Variants in SNTA1 observed in about 807,000 individuals in gnomAD.
SNTA1 encodes syntrophin alpha 1.
A neutral mutation model predicts 47.1 loss-of-function variants in SNTA1; 31 were observed. The observed-to-expected ratio is 0.66, with a 90% confidence interval of 0.49 to 0.89. The LOEUF (loss-of-function observed/expected upper bound fraction) is 0.89. SNTA1 is among the 40% of genes least tolerant of loss of function. SNTA1 has a pLI of 0.00. For missense variants in SNTA1, 575 were observed against 693.0 expected (o/e 0.83, Z 1.91); for synonymous variants, 300 against 313.6 (o/e 0.96, Z 0.46).
intron 2 of SNTA1, among the ~76,000 whole-genome samples, chr20:33,421,137 C>T (rs1892562328): frequency 9.7e-6 from 1 of 103,300 alleles, no homozygotes; most frequent in Non-Finnish European, 2.3e-5. Context: ...TACGCCATTG[C>T]ACTCCAGTCT....
In SNTA1 at chr20:33,410,246, C is replaced by T; in HGVS notation, c.1126G>A (p.Val376Met). The stretch of plus-strand genomic sequence containing the variant: ...TCCACGCTGAACAGGTGAGTGTCCA[C>T]ACCGTGACGCGTGCCCGTGCGCAGG... ...FALRTGTRHG[V>M]DTHLFSVESP... The change falls in exon 6 of 8, where the codon GTG (valine) becomes ATG (methionine). Residue 376 changes from valine (V) to methionine (M), a missense_variant. Coordinates refer to ENST00000217381, the MANE Select transcript of SNTA1 (RefSeq NM_003098.3). The T allele has an allele frequency of 6.2e-7, 1 of 1,613,602 alleles. No homozygotes were observed. The highest frequency in any genetic ancestry group is 8.5e-7 in the Non-Finnish European group (1 of 1,179,962).
rs1989662723 is a variant in SNTA1, at chr20:33,408,798, G to A, written c.1328C>T (p.Ala443Val). ...CTCGAAGGGCTGTCGCAGGAGCACA[G>A]CTCGGGCTGCACCTGGCTCAGCCGC... ...LWAAEPGAAR[A>V]VLLRQPFEKL... is the part of the protein sequence containing the mutation. Residue 443 changes from alanine to valine, a missense_variant, in exon 7 of 8, where the codon GCT becomes GTT. Transcript: ENST00000217381. The A allele has an allele frequency of 6.2e-7, 1 of 1,614,146 alleles. No homozygotes were observed. The highest frequency in any genetic ancestry group is 1.1e-5 in the South Asian group (1 of 91,086).
intron 1 of SNTA1, among the ~76,000 whole-genome samples, chr20:33,440,974 T>A (rs1268628389): frequency 6.6e-6 from 1 of 152,170 alleles, no homozygotes; most frequent in African/African-American, 2.4e-5. Flanking sequence ...AGCCTTAGAG[T>A]CTAGAGATTC....
intron 6 of SNTA1, 98 bp from the exon 7 acceptor site, chr20:33,408,986 G>A (rs1210811341): frequency 3.7e-6 from 4 of 1,073,634 alleles, no homozygotes; most frequent in Non-Finnish European, 5.8e-6. Context: ...GGGCCTGAAT[G>A]CCTCCAGGGA....
chr20:33,412,338 G>C lies in SNTA1; in HGVS notation c.998C>G (p.Ala333Gly). The change falls in exon 5 of 8, where the codon GCC (alanine) becomes GGC (glycine). Residue 333 changes from alanine to glycine, a missense_variant. Transcript: ENST00000217381. ...GGCAGTACGGGCTGGCCGGCTCAGG[G>C]CCTCGCGGGTCTCGGGGAGAGACAA... Reference protein sequence around the residue: ...LYLSLPETREALSRPARTAPL... With the variant: ...LYLSLPETREGLSRPARTAPL... 6.2e-7 allele frequency: 1 copy of C among 1,612,174 alleles called. No individual in the cohort carries two copies. The highest frequency in any genetic ancestry group is 8.5e-7 in the Non-Finnish European group (1 of 1,179,576).
intron 5 of SNTA1, among the ~76,000 whole-genome samples, chr20:33,411,330 C>CA (rs1353027561): frequency 3.9e-5 from 6 of 152,122 alleles, no homozygotes; most frequent in African/African-American, 1.2e-4. Flanking sequence ...CCCCCACCCC[C>CA]AGTCCCACGC....
chr20:33,434,526 A>C (rs1990386507), intron 2 of SNTA1, among the ~76,000 whole-genome samples: 1 of 152,088 alleles, frequency 6.6e-6, no homozygotes, highest in Non-Finnish European at 1.5e-5. Context: ...CATCTCAGAG[A>C]ATATAAGAGC....
chr20:33,420,676 C>A (rs567748281), intron 2 of SNTA1, among the ~76,000 whole-genome samples: 119 of 152,292 alleles, frequency 7.8e-4, no homozygotes, highest in African/African-American at 2.7e-3. Flanking sequence ...CAAACTTCCA[C>A]ACTATTGAAA....
intron 2 of SNTA1, among the ~76,000 whole-genome samples, chr20:33,431,769 G>A (rs1246595557): frequency 1.3e-5 from 2 of 152,106 alleles, no homozygotes; most frequent in Non-Finnish European, 1.5e-5. Context: ...ACAAGCATAG[G>A]GAAGGGACTT....
At chr20:33,436,150 G>A (rs573602279) in intron 2 of SNTA1, among the ~76,000 whole-genome samples, 12 of 151,942 alleles carry the variant, frequency 7.9e-5, no homozygotes, top group South Asian at 4.2e-4. Flanking sequence ...CCGAGATCCC[G>A]CCACTGCACT....
intron 2 of SNTA1, among the ~76,000 whole-genome samples, chr20:33,419,600 A>T (rs1055808364): frequency 3.9e-5 from 6 of 152,064 alleles, no homozygotes; most frequent in African/African-American, 1.4e-4. Context: ...TGACTATTGG[A>T]TTATGTCTCA....
At chr20:33,424,161 A>G (rs1352026649) in intron 2 of SNTA1, among the ~76,000 whole-genome samples, 1 of 151,990 alleles carries the variant, frequency 6.6e-6, no homozygotes, top group African/African-American at 2.4e-5. Flanking sequence ...CTAAAAATAC[A>G]AAATTAGCTG....
rs758435546 is a variant in SNTA1, at chr20:33,410,268, C to T, written c.1104G>A (p.Leu368=). The part of the protein sequence containing the change: ...VPYDAELSFA[L]RTGTRHGVDT... ...CCACACCGTGACGCGTGCCCGTGCG[C>T]AGGGCAAAAGAGAGCTCTGCATCGT... The change falls in exon 6 of 8, where the codon CTG becomes CTA. Residue 368 remains leucine (L), a synonymous_variant. Coordinates refer to ENST00000217381, the MANE Select transcript of SNTA1 (RefSeq NM_003098.3). 16 of 1,612,552 alleles carry T rather than the reference C, an allele frequency of 9.9e-6. No individual in the cohort carries two copies. The highest frequency in any genetic ancestry group is 1.3e-5 in the African/African-American group (1 of 74,888).
At chr20:33,433,207 G>C (rs1381685521) in intron 2 of SNTA1, among the ~76,000 whole-genome samples, 2 of 151,986 alleles carry the variant, frequency 1.3e-5, no homozygotes, top group African/African-American at 2.4e-5. Context: ...TGGGATTACA[G>C]GCGTGAGCCA....
Position 33,412,618 on chromosome 20 carries a change from G to C in SNTA1, c.866C>G (p.Ala289Gly). ...LQALLAATST[A>G]GSQDIKQIGW... ...AATCTGCTTGATGTCCTGGCTCCCA[G>C]CTGTGCTGGTGGCTGCCAACAGTGC... The change falls in exon 4 of 8, where the codon GCT (alanine) becomes GGT (glycine). Residue 289 changes from alanine to glycine, a missense_variant. By Grantham distance (60) the Ala-to-Gly change is moderately conservative. Coordinates refer to ENST00000217381, the MANE Select transcript of SNTA1 (RefSeq NM_003098.3). The C allele has an allele frequency of 6.2e-7, 1 of 1,613,964 alleles. No individual in the cohort carries two copies. The highest frequency in any genetic ancestry group is 8.5e-7 in the Non-Finnish European group (1 of 1,180,016).
At chr20:33,416,970 A>G (rs1045193761) in intron 3 of SNTA1, among the ~76,000 whole-genome samples, 1 of 146,846 alleles carries the variant, frequency 6.8e-6, no homozygotes, top group African/African-American at 2.5e-5. Context: ...AAAGTTAGCC[A>G]GGTGTGGTGG....
chr20:33,422,511 C>T (rs1990061404), intron 2 of SNTA1, among the ~76,000 whole-genome samples: 1 of 151,832 alleles, frequency 6.6e-6, no homozygotes, highest in South Asian at 2.1e-4. Context: ...TGGGCAGTAG[C>T]TCACGCCTGT....
intron 1 of SNTA1, among the ~76,000 whole-genome samples, chr20:33,442,855 C>G (rs538113286): frequency 2.5e-4 from 38 of 152,220 alleles, no homozygotes; most frequent in Non-Finnish European, 5.1e-4. Context: ...TGCACCCAGG[C>G]CTCCTATCCA....
chr20:33,413,457 C>T (rs1001255213), intron 3 of SNTA1, among the ~76,000 whole-genome samples: 14 of 151,498 alleles, frequency 9.2e-5, no homozygotes, highest in Admixed American at 3.3e-4. Flanking sequence ...CACAAATATA[C>T]ACACACACTG....
Sources: gnomAD v4.1 joint callset for allele counts (sites outside exome capture counted in the v4.1 genomes callset) on GRCh38, gnomAD v4.1.1 for gene constraint, MANE v1.5 for transcripts, NCBI Gene and HGNC (gene_info 2026-07-23, HGNC 2026-07-21) for gene names.